The following ITPR2 variants were observed in gnomAD, a reference collection of about 807,000 sequenced individuals.
ITPR2 encodes the protein inositol 1,4,5-trisphosphate receptor type 2.
ITPR2 carries 207 observed loss-of-function variants against 317.1 expected under a neutral mutation model. The observed-to-expected ratio is 0.65, with a 90% confidence interval of 0.58 to 0.73. The LOEUF is 0.73. Among genes scored for constraint, ITPR2 ranks in the 30% least tolerant of loss-of-function variants. The pLI, the probability that ITPR2 is intolerant of heterozygous loss-of-function variation, is 0.00. For missense variants in ITPR2, 2,613 were observed against 3,284.0 expected (o/e 0.80, Z 4.99); for synonymous variants, 1,156 against 1,149.1 (o/e 1.01, Z -0.12).
chr12:26,720,599 A>G (rs1321188518), intron 5 of ITPR2, among the ~76,000 whole-genome samples: 1 of 152,230 alleles, frequency 6.6e-6, no homozygotes, highest in Non-Finnish European at 1.5e-5. Flanking sequence ...AAAGCTACAC[A>G]GTGGCAAACA....
chr12:26,551,247 A>G (rs1944518193), intron 36 of ITPR2, among the ~76,000 whole-genome samples: 1 of 152,178 alleles, frequency 6.6e-6, no homozygotes, highest in Non-Finnish European at 1.5e-5. Context: ...GTTAATGGCT[A>G]CCAAGTGCTT....
chr12:26,620,935 A>C (rs563962491), intron 26 of ITPR2, among the ~76,000 whole-genome samples, 188 bp downstream of exon 26: 1 of 152,346 alleles, frequency 6.6e-6, no homozygotes, highest in East Asian at 1.9e-4. Flanking sequence ...AAGTGGTAGA[A>C]ATTGATAAGA....
intron 32 of ITPR2, among the ~76,000 whole-genome samples, chr12:26,590,497 G>A (rs1361793688): frequency 2.6e-5 from 4 of 152,088 alleles, no homozygotes; most frequent in Non-Finnish European, 4.4e-5. Context: ...TTCCACAAAG[G>A]TGCCAAAAAC....
At chr12:26,553,152 T>C (rs1042996066) in intron 36 of ITPR2, among the ~76,000 whole-genome samples, 1 of 152,234 alleles carries the variant, frequency 6.6e-6, no homozygotes, top group African/African-American at 2.4e-5. Context: ...TGGTTGCGTC[T>C]ACCTAAGTCA....
intron 55 of ITPR2, among the ~76,000 whole-genome samples, chr12:26,347,318 G>A (rs1057435293): frequency 1.3e-5 from 2 of 152,166 alleles, no homozygotes; most frequent in Admixed American, 1.3e-4. Context: ...GCTCTATTAG[G>A]TACATATTAA....
intron 55 of ITPR2, among the ~76,000 whole-genome samples, chr12:26,345,973 G>A (rs180773175): frequency 8.5e-5 from 13 of 152,154 alleles, no homozygotes; most frequent in African/African-American, 3.1e-4. Flanking sequence ...GATGACTTTG[G>A]TCAAAATGAA....
At chr12:26,829,236 A>T (rs1565793406) in intron 1 of ITPR2, among the ~76,000 whole-genome samples, 4 of 151,300 alleles carry the variant, frequency 2.6e-5, no homozygotes, top group East Asian at 1.9e-4. Flanking sequence ...TATAAAAAAA[A>T]TTAACGCTTT....
At chr12:26,657,212 C>CGCTGCCATA (rs2136905966) in intron 18 of ITPR2, among the ~76,000 whole-genome samples, 1 of 152,318 alleles carries the variant, frequency 6.6e-6, no homozygotes, top group South Asian at 2.1e-4. Flanking sequence ...CAGGAACTGC[C>CGCTGCCATA]TTCAGTACTT....
In ITPR2 at chr12:26,598,396, A is replaced by G. The variant is rs57080989; in HGVS notation, c.4002+749T>C. 5.0e-3 allele frequency among the ~76,000 whole-genome samples: 769 copies of G among 152,284 alleles called. 5 individuals carry two copies. The highest frequency in any genetic ancestry group is 0.017 in the African/African-American group (693 of 41,556). On this transcript the variant is annotated intron_variant, in intron 30 of 56. Coordinates refer to ENST00000381340, the MANE Select transcript of ITPR2 (RefSeq NM_002223.4). ...AATGCCCAGAAACCAATAAAAATCT[A>G]CCATGTAACTGTTTGGTAGCCATGG...
intron 46 of ITPR2, among the ~76,000 whole-genome samples, chr12:26,440,570 A>G (rs1941463857): frequency 1.3e-5 from 2 of 152,168 alleles, no homozygotes; most frequent in African/African-American, 4.8e-5. Context: ...ATCCTAAATG[A>G]TATGTGATAT....
chr12:26,617,539 A>T (rs1383075022), intron 26 of ITPR2, among the ~76,000 whole-genome samples: 5 of 152,082 alleles, frequency 3.3e-5, no homozygotes, highest in African/African-American at 9.7e-5. Context: ...TCTATAGCTC[A>T]TTTTATGGGA....
chr12:26,625,577 A>T (rs1221696484), intron 23 of ITPR2, among the ~76,000 whole-genome samples: 1 of 152,252 alleles, frequency 6.6e-6, no homozygotes, highest in Admixed American at 6.5e-5. Flanking sequence ...ACTATGTTTT[A>T]AACTAATGTA....
chr12:26,469,880 C>A (rs546510480), intron 45 of ITPR2, among the ~76,000 whole-genome samples: 2 of 152,276 alleles, frequency 1.3e-5, no homozygotes, highest in South Asian at 4.1e-4. Context: ...GAATGATCTG[C>A]CAACTTTTAA....
intron 21 of ITPR2, among the ~76,000 whole-genome samples, chr12:26,647,641 C>T (rs1052023184): frequency 6.6e-6 from 1 of 152,210 alleles, no homozygotes; most frequent in Non-Finnish European, 1.5e-5. Context: ...ATCAATTACA[C>T]TGAATGGTGC....
chr12:26,611,819 AATC>A (rs761567222), intron 26 of ITPR2, among the ~76,000 whole-genome samples: 9 of 152,194 alleles, frequency 5.9e-5, no homozygotes, highest in Non-Finnish European at 1.0e-4. Flanking sequence ...TTCCTGAGTT[AATC>A]TCTCCTTCCT....
intron 13 of ITPR2, among the ~76,000 whole-genome samples, chr12:26,667,984 A>G (rs537718175): frequency 6.6e-6 from 1 of 152,184 alleles, no homozygotes; most frequent in African/African-American, 2.4e-5. Flanking sequence ...AGGAAAAGCA[A>G]CCTTCTCTTT....
At chr12:26,550,379 T>G in intron 36 of ITPR2, 24 bp from the exon 37 acceptor site, 2 of 952,344 alleles carry the variant, frequency 2.1e-6, no homozygotes, top group Non-Finnish European at 3.3e-6. Flanking sequence ...ATGAGACCTT[T>G]AGAAAGACAG....
intron 37 of ITPR2, among the ~76,000 whole-genome samples, chr12:26,537,817 C>T (rs1003044665): frequency 1.3e-5 from 2 of 152,164 alleles, no homozygotes; most frequent in Non-Finnish European, 2.9e-5. Context: ...CTAACAACTT[C>T]ACCGAGCAAT....
intron 51 of ITPR2, among the ~76,000 whole-genome samples, chr12:26,413,429 A>T (rs1309888310): frequency 1.3e-5 from 2 of 152,232 alleles, no homozygotes; most frequent in Non-Finnish European, 2.9e-5. Flanking sequence ...GGGTGTCCTC[A>T]ATAATGTCAC....
Sources: gnomAD v4.1 joint callset for allele counts (sites outside exome capture counted in the v4.1 genomes callset) on GRCh38, gnomAD v4.1.1 for gene constraint, MANE v1.5 for transcripts, NCBI Gene and HGNC (gene_info 2026-07-23, HGNC 2026-07-21) for gene names.